ASH1L: variants seen among roughly 807,000 people sequenced by gnomAD.
The protein encoded by ASH1L is ASH1 like histone lysine methyltransferase.
Under a neutral mutation model 269.0 loss-of-function variants are expected in ASH1L, and 23 were observed. The ratio of observed to expected loss-of-function variants is 0.09; its 90% CI spans 0.06 to 0.12. ASH1L has a LOEUF of 0.12. Among genes scored for constraint, ASH1L ranks in the 10% least tolerant of loss-of-function variants. The probability of loss-of-function intolerance (pLI) is 1.00; values close to 1 mark genes in which losing one functional copy is unlikely to be tolerated. For missense variants in ASH1L, 2,912 were observed against 3,567.8 expected (o/e 0.82, Z 4.68); for synonymous variants, 1,187 against 1,253.5 (o/e 0.95, Z 1.12).
chr1:155,519,623 T>C (rs1436215574), intron 2 of ASH1L, among the ~76,000 whole-genome samples: 1 of 152,162 alleles, frequency 6.6e-6, no homozygotes, highest in Non-Finnish European at 1.5e-5. Context: ...ATGAGTTAGC[T>C]AGGATAGGCA....
At chr1:155,371,671 A>AC (rs1251915812) in intron 10 of ASH1L, among the ~76,000 whole-genome samples, 3 of 151,754 alleles carry the variant, frequency 2.0e-5, no homozygotes, top group Non-Finnish European at 4.4e-5. Flanking sequence ...TTAAAAAAAA[A>AC]TTGTGGTAGA....
At chr1:155,369,041 A>C (rs1655688437) in intron 12 of ASH1L, among the ~76,000 whole-genome samples, 1 of 152,208 alleles carries the variant, frequency 6.6e-6, no homozygotes, top group African/African-American at 2.4e-5. Context: ...TGGGAGATTG[A>C]CTTAAAAGGT....
chr1:155,413,817 G>C (rs1428969129), intron 6 of ASH1L, among the ~76,000 whole-genome samples: 1 of 151,834 alleles, frequency 6.6e-6, no homozygotes, highest in Non-Finnish European at 1.5e-5. Flanking sequence ...TATGAACTTT[G>C]AACTACATAC....
At chr1:155,350,504 G>A (rs1463834584) in intron 17 of ASH1L, among the ~76,000 whole-genome samples, 1 of 152,084 alleles carries the variant, frequency 6.6e-6, no homozygotes, top group Admixed American at 6.6e-5. Flanking sequence ...ATGAGAGATG[G>A]GAACTTATTG....
intron 21 of ASH1L, 195 bp from the exon 22 acceptor site, chr1:155,344,468 G>A (rs1249707336): frequency 2.0e-6 from 1 of 502,640 alleles, no homozygotes; most frequent in African/African-American, 1.9e-5. Context: ...GATAGGCTAA[G>A]TATCTCAATC....
chr1:155,365,467 C>T (rs1014626265), intron 12 of ASH1L, among the ~76,000 whole-genome samples: 10 of 150,054 alleles, frequency 6.7e-5, no homozygotes, highest in African/African-American at 2.5e-4. Flanking sequence ...AGGTGATCAA[C>T]CTGCCTCAGC....
intron 2 of ASH1L, among the ~76,000 whole-genome samples, chr1:155,516,338 A>T (rs1668501408): frequency 6.6e-6 from 1 of 152,206 alleles, no homozygotes; most frequent in Non-Finnish European, 1.5e-5. Context: ...TGTTTCCCAA[A>T]TCTGCTGGAA....
At chr1:155,361,872 C>CAAA (rs771879733) in intron 12 of ASH1L, among the ~76,000 whole-genome samples, 4 of 58,660 alleles carry the variant, frequency 6.8e-5, no homozygotes, top group African/African-American at 1.7e-4. Context: ...GACTCCGTCT[C>CAAA]AAAAAAAAAA....
In ASH1L at chr1:155,406,193, G is replaced by C. The variant is rs535989562; in HGVS notation, c.6008+9551C>G. 2.3e-5 allele frequency among the ~76,000 whole-genome samples: 3 copies of C among 130,450 alleles called. No individual in the cohort carries two copies. In the East Asian group the frequency reaches 7.0e-4, roughly 30 times the overall value. 85.6% of individuals were successfully genotyped at this position (130,450 alleles called of 152,430 possible). ...CACTCCAGCCTGGGCGACAGAGTGA[G>C]ACTCTGTCTCAAAAAAAAAAAAAAA... On this transcript the variant is annotated intron_variant, in intron 6 of 27. Coordinates refer to ENST00000392403, the MANE Select transcript of ASH1L (RefSeq NM_018489.3).
intron 3 of ASH1L, among the ~76,000 whole-genome samples, chr1:155,469,824 G>A (rs568856962): frequency 7.2e-5 from 11 of 152,270 alleles, no homozygotes; most frequent in Non-Finnish European, 1.3e-4. Flanking sequence ...TCACACTGCT[G>A]TCAATGTAAT....
Position 155,344,185 on chromosome 1 carries a change from T to C in ASH1L, c.7979A>G (p.Gln2660Arg), listed in dbSNP as rs1653039717. 2 of 1,613,892 alleles carry C rather than the reference T, an allele frequency of 1.2e-6. No homozygotes were observed. Among genetic ancestry groups the C allele is most frequent in the Admixed American group, 1.7e-5 (1 of 59,998 alleles). The change falls in exon 22 of 28, where the codon CAG (glutamine) becomes CGG (arginine). Residue 2660 changes from glutamine to arginine, a missense_variant and splice_region_variant. Transcript: ENST00000392403. ...AGGATTAGCTCCTGTATACATACCC[T>C]GACGAAGCAGCAAGTCATCTCGGAG... ...CLLRDDLLLR[Q>R]GDCVYLMRDS...
chr1:155,481,678 C>G lies in ASH1L; in HGVS notation c.1192G>C (p.Gly398Arg). 1 of 1,614,152 alleles carries G rather than the reference C, an allele frequency of 6.2e-7. No homozygotes were observed. Among genetic ancestry groups the G allele is most frequent in the Non-Finnish European group, 8.5e-7 (1 of 1,180,010 alleles). ...TTTCCAATGTCCTTATTAACCAATC[C>G]CATTGCTGAACTTGCTACAATCTTC... is the stretch of plus-strand genomic sequence containing the variant. ...AKKIVASSAM[G>R]LVNKDIGKKL... Residue 398 changes from glycine (G) to arginine (R), a missense_variant, in exon 3 of 28, where the codon GGA becomes CGA. Transcript: ENST00000392403.
chr1:155,376,920 G>C (rs986477396), intron 10 of ASH1L, among the ~76,000 whole-genome samples: 19 of 149,756 alleles, frequency 1.3e-4, no homozygotes, highest in African/African-American at 3.7e-4. Context: ...TTTTTTTTTG[G>C]GGGGGAGATG....
chr1:155,395,667 T>TA (rs944379735), intron 6 of ASH1L, 114 bp from the exon 7 acceptor site: 3,692 of 517,524 alleles, frequency 7.1e-3, no homozygotes, highest in East Asian at 0.021. Context: ...ATTGATAAAT[T>TA]AAAAAAAAAA....
At chr1:155,500,279 T>A (rs1391564834) in intron 2 of ASH1L, among the ~76,000 whole-genome samples, 3 of 152,220 alleles carry the variant, frequency 2.0e-5, no homozygotes, top group Non-Finnish European at 1.5e-5. Context: ...TACTGAAATG[T>A]AAAGATCCAG....
At chr1:155,476,962 G>A (rs1236167678) in intron 3 of ASH1L, among the ~76,000 whole-genome samples, 1 of 151,992 alleles carries the variant, frequency 6.6e-6, no homozygotes, top group Non-Finnish European at 1.5e-5. Flanking sequence ...TTATATAGGA[G>A]GTTTAGAGAA....
intron 3 of ASH1L, among the ~76,000 whole-genome samples, chr1:155,474,433 C>G (rs1313610055): frequency 6.6e-6 from 1 of 152,174 alleles, no homozygotes; most frequent in Non-Finnish European, 1.5e-5. Context: ...AGTGGTGACT[C>G]AGGCCTATAA....
At chr1:155,471,515 G>A (rs1558139446) in intron 3 of ASH1L, among the ~76,000 whole-genome samples, 1 of 152,220 alleles carries the variant, frequency 6.6e-6, no homozygotes, top group Non-Finnish European at 1.5e-5. Context: ...GGACACTGAG[G>A]TTCACTGGAG....
chr1:155,353,149 C>A, intron 16 of ASH1L, among the ~76,000 whole-genome samples: 1 of 152,278 alleles, frequency 6.6e-6, no homozygotes, highest in East Asian at 1.9e-4. Context: ...TCTGGTGTCA[C>A]TGCTTATTAG....
Sources: gnomAD v4.1 joint callset for allele counts (sites outside exome capture counted in the v4.1 genomes callset) on GRCh38, gnomAD v4.1.1 for gene constraint, MANE v1.5 for transcripts, NCBI Gene and HGNC (gene_info 2026-07-23, HGNC 2026-07-21) for gene names.